NOX1: variants seen among roughly 807,000 people sequenced by gnomAD.
NOX1 encodes the protein NADPH oxidase 1.
NOX1 carries 34 observed loss-of-function variants against 42.5 expected under a neutral mutation model. The ratio of observed to expected loss-of-function variants is 0.80; its 90% CI spans 0.61 to 1.07. The LOEUF is 1.07. Among genes scored for constraint, NOX1 ranks in the 50% least tolerant of loss-of-function variants. NOX1 has a pLI of 0.00. For synonymous variants in NOX1, 143 were observed against 152.5 expected (o/e 0.94, Z 0.46); for missense variants, 408 against 427.0 (o/e 0.96, Z 0.39).
chrX:100,853,958 C>T (rs1401417226), intron 7 of NOX1, among the ~76,000 whole-genome samples: 4 of 112,034 alleles, frequency 3.6e-5, no homozygotes. Context: ...GTCTGGTCAA[C>T]GTGGCAAAAC....
At chrX:100,848,968 C>T (rs377663394) in intron 11 of NOX1, among the ~76,000 whole-genome samples, 1 of 111,297 alleles carries the variant, frequency 9.0e-6, no homozygotes, top group Non-Finnish European at 1.9e-5. Context: ...CCCAGTTACT[C>T]GGGAGGCTAA....
intron 2 of NOX1, among the ~76,000 whole-genome samples, chrX:100,870,373 C>G (rs1157454765): frequency 9.0e-6 from 1 of 111,189 alleles, no homozygotes; most frequent in Non-Finnish European, 1.9e-5. Context: ...AAACAACTGC[C>G]TAATAGTTTT....
rs769555205 is a variant in NOX1 at position 100,862,282 on chromosome X, T to C, written c.693A>G (p.Thr231=). The C allele has an allele frequency of 5.8e-6, 7 of 1,209,181 alleles. No homozygotes were observed. Among genetic ancestry groups the C allele is most frequent in the African/African-American group, 5.3e-5 (3 of 56,937 alleles). Residue 231 remains threonine, a synonymous_variant, in exon 7 of 13, where the codon ACA becomes ACG. Coordinates refer to ENST00000372966, the MANE Select transcript of NOX1 (RefSeq NM_007052.5). ...GATGACTCTCATTCATGCTCTCCTCTGTTTGACCCCGGACAATTCCACTGA... is the reference window on the plus strand; with the variant it reads ...GATGACTCTCATTCATGCTCTCCTCCGTTTGACCCCGGACAATTCCACTGA... The part of the protein sequence containing the change: ...HGIGGIVRGQ[T]EESMNESHPR...
chrX:100,853,348 TTC>T (rs1347229318), intron 7 of NOX1, among the ~76,000 whole-genome samples: 2 of 96,129 alleles, frequency 2.1e-5, no homozygotes, highest in Non-Finnish European at 4.1e-5. Context: ...CTTTCTTTCT[TTC>T]TTTCTTTCTT....
chrX:100,853,736 ATGCTGGCCAGGCTGGTCTGGAAC>A (rs2085147112), intron 7 of NOX1, among the ~76,000 whole-genome samples: 1 of 110,499 alleles, frequency 9.0e-6, no homozygotes, highest in Non-Finnish European at 1.9e-5. Flanking sequence ...GAGATTCACC[ATGCTGGCCAGGCTGGTCTGGAAC>A]TGCTGGCCTC....
chrX:100,846,719 T>C (rs180774995), intron 12 of NOX1, among the ~76,000 whole-genome samples: 10 of 112,664 alleles, frequency 8.9e-5, no homozygotes, highest in Non-Finnish European at 1.7e-4. Context: ...TCTTTTATGC[T>C]TATATGCTGC....
At chrX:100,865,413 A>C (rs2085231103) in intron 2 of NOX1, among the ~76,000 whole-genome samples, 1 of 112,717 alleles carries the variant, frequency 8.9e-6, no homozygotes, top group African/African-American at 3.2e-5. Context: ...TCGTTGCAGC[A>C]CATTTAAATA....
chrX:100,848,984 G>A (rs2085094162), intron 11 of NOX1, among the ~76,000 whole-genome samples: 1 of 111,585 alleles, frequency 9.0e-6, no homozygotes, highest in Non-Finnish European at 1.9e-5. Context: ...GCTAAGGCAG[G>A]AGAATTGCTT....
Position 100,863,485 on chromosome X carries a change from T to C in NOX1, c.252A>G (p.Ser84=), listed in dbSNP as rs1286981335. 1 of 1,209,954 alleles carries C rather than the reference T, an allele frequency of 8.3e-7. No individual in the cohort carries two copies. The highest frequency in any genetic ancestry group is 1.1e-6 in the Non-Finnish European group (1 of 894,540). The change falls in exon 3 of 13, where the codon TCA becomes TCG. Residue 84 remains serine (S), a splice_region_variant and synonymous_variant. Coordinates refer to ENST00000372966, the MANE Select transcript of NOX1 (RefSeq NM_007052.5). The stretch of plus-strand genomic sequence containing the variant: ...TGACTTAGGAGTGGTTGGGACTCAC[T>C]GAGCAGGTGCCCCTCAGGAAGGACA... The part of the protein sequence containing the change: ...NLLSFLRGTC[S]FCSRTLRKQL...
intron 7 of NOX1, among the ~76,000 whole-genome samples, chrX:100,858,165 C>G (rs2085179993): frequency 8.9e-6 from 1 of 111,755 alleles, no homozygotes; most frequent in African/African-American, 3.3e-5. Flanking sequence ...AGCCGGTTAT[C>G]CCAGCACCAC....
At chrX:100,849,555 A>C (rs1254304955) in intron 10 of NOX1, 129 bp from the exon 11 acceptor site, 1 of 749,636 alleles carries the variant, frequency 1.3e-6, no homozygotes, top group South Asian at 2.9e-5. Context: ...GCCTTCCAAC[A>C]TCTTTGGTCA....
chrX:100,872,287 GA>G (rs1190210144), intron 1 of NOX1, among the ~76,000 whole-genome samples: 30 of 111,562 alleles, frequency 2.7e-4, no homozygotes, highest in African/African-American at 9.1e-4. Flanking sequence ...AGAGGGAGCA[GA>G]AATATTTCTG....
At chrX:100,853,433 T>TCTTCCTTCCTTCCTTCCTTGCTTTC (rs1569445832) in intron 7 of NOX1, among the ~76,000 whole-genome samples, 5 of 101,269 alleles carry the variant, frequency 4.9e-5, no homozygotes, top group Non-Finnish European at 7.9e-5. Context: ...CTTTTTTTTT[T>TCTTCCTTCCTTCCTTCCTTGCTTTC]TTGACAGAGT....
chrX:100,855,022 C>CA lies in NOX1; in HGVS notation c.805-3698dup, dbSNP rs34496932. On this transcript the variant is annotated intron_variant, in intron 7 of 12. Transcript: ENST00000372966. The stretch of plus-strand genomic sequence containing the variant: ...CATATAGCAATTTTTTGCATGGGTG[C>CA]AAAAAAAATCTACATTAAAACCCTT... 5.8e-3 allele frequency among the ~76,000 whole-genome samples: 640 copies of CA among 110,454 alleles called. 4 individuals are homozygous for CA. The highest frequency in any genetic ancestry group is 0.02 in the African/African-American group (619 of 30,353).
At chrX:100,844,261 TAAC>T (rs1230948962) in intron 12 of NOX1, among the ~76,000 whole-genome samples, 183 bp from the exon 13 acceptor site, 1 of 111,428 alleles carries the variant, frequency 9.0e-6, no homozygotes, top group Non-Finnish European at 1.9e-5. Context: ...TCTCAGCCCT[TAAC>T]ACTCTCAGCA....
At chrX:100,868,915 G>C (rs1327811693) in intron 2 of NOX1, among the ~76,000 whole-genome samples, 1 of 110,439 alleles carries the variant, frequency 9.1e-6, no homozygotes, top group Non-Finnish European at 1.9e-5. Flanking sequence ...TATTAAATAG[G>C]GAATCCTTTC....
chrX:100,867,147 C>T (rs1054315393), intron 2 of NOX1, among the ~76,000 whole-genome samples: 2 of 111,718 alleles, frequency 1.8e-5, no homozygotes, highest in African/African-American at 6.5e-5. Context: ...ATTCTTCTGC[C>T]TCAGTCTCCC....
At chrX:100,848,549 C>T in intron 12 of NOX1, 81 bp downstream of exon 12, 1 of 1,004,520 alleles carries the variant, frequency 1.0e-6, no homozygotes, top group Non-Finnish European at 1.3e-6. Flanking sequence ...ACTTCGGCCT[C>T]CCAAAGTGCT....
intron 7 of NOX1, among the ~76,000 whole-genome samples, chrX:100,857,086 A>G (rs1283728699): frequency 9.0e-6 from 1 of 111,342 alleles, no homozygotes; most frequent in Non-Finnish European, 1.9e-5. Flanking sequence ...TTGTGTGCAT[A>G]TGTACTCAAT....
Sources: allele counts gnomAD v4.1 joint callset (sites outside exome capture counted in the v4.1 genomes callset), GRCh38; gene constraint gnomAD v4.1.1; transcripts MANE v1.5; gene names NCBI Gene and HGNC (gene_info 2026-07-23, HGNC 2026-07-21).